The following GBE1 variants were observed in gnomAD, a reference collection of about 807,000 sequenced individuals.
GBE1 encodes 1,4-alpha-glucan branching enzyme 1.
Under a neutral mutation model 88.8 loss-of-function variants are expected in GBE1, and 70 were observed. The observed-to-expected ratio is 0.79, with a 90% CI of 0.65 to 0.96. The LOEUF (loss-of-function observed/expected upper bound fraction) is 0.96. Among genes scored for constraint, GBE1 ranks in the 40% least tolerant of loss-of-function variants. The pLI, the probability that GBE1 is intolerant of heterozygous loss-of-function variation, is 0.00. For synonymous variants in GBE1, 284 were observed against 300.1 expected (o/e 0.95, Z 0.56); for missense variants, 872 against 871.0 (o/e 1.00, Z -0.01).
intron 6 of GBE1, among the ~76,000 whole-genome samples, chr3:81,645,227 T>A (rs1425942838): frequency 6.6e-6 from 1 of 152,138 alleles, no homozygotes; most frequent in East Asian, 1.9e-4. Flanking sequence ...AGAATGGAAC[T>A]AAGTTCTGAT....
chr3:81,696,706 A>G (rs1705601657), intron 2 of GBE1, among the ~76,000 whole-genome samples: 1 of 152,238 alleles, frequency 6.6e-6, no homozygotes, highest in Admixed American at 6.5e-5. Flanking sequence ...AATTTTACAG[A>G]CATTAACTGC....
intron 14 of GBE1, among the ~76,000 whole-genome samples, chr3:81,500,778 A>G (rs1702575817): frequency 6.6e-6 from 1 of 152,210 alleles, no homozygotes; most frequent in African/African-American, 2.4e-5. Context: ...ATGTTGTTAT[A>G]CACGTTTGAC....
At chr3:81,582,253 A>T (rs1301448104) in intron 10 of GBE1, among the ~76,000 whole-genome samples, 3 of 152,080 alleles carry the variant, frequency 2.0e-5, no homozygotes, top group African/African-American at 7.2e-5. Context: ...GATGTTCACA[A>T]CCTAATCCAC....
At chr3:81,540,500 T>C (rs1169628448) in intron 12 of GBE1, among the ~76,000 whole-genome samples, 1 of 152,030 alleles carries the variant, frequency 6.6e-6, no homozygotes, top group East Asian at 1.9e-4. Flanking sequence ...TCCTCATCTG[T>C]AAAATCATCA....
chr3:81,667,976 C>A (rs1200415915), intron 3 of GBE1, among the ~76,000 whole-genome samples: 1 of 152,142 alleles, frequency 6.6e-6, no homozygotes, highest in African/African-American at 2.4e-5. Flanking sequence ...AACCCTAATG[C>A]CCATCAATGA....
intron 1 of GBE1, among the ~76,000 whole-genome samples, chr3:81,741,291 T>C (rs1182666327): frequency 1.3e-5 from 2 of 152,154 alleles, no homozygotes; most frequent in South Asian, 4.1e-4. Flanking sequence ...TTGAGAAATA[T>C]TTAGTTCAAC....
rs1706220638 is a variant in GBE1 at position 81,733,878 on chromosome 3, T to G, written c.143+27497A>C. Among the ~76,000 whole-genome samples, 1 of 152,212 alleles carries G rather than the reference T, an allele frequency of 6.6e-6. No homozygotes were observed. Among genetic ancestry groups the G allele is most frequent in the Non-Finnish European group, 1.5e-5 (1 of 68,028 alleles). On this transcript the variant is annotated intron_variant, in intron 1 of 15. Transcript: ENST00000429644. This position sits in a 1 kb window ranked among gnomAD's most constrained non-coding sequence, Gnocchi z 4.0. ...ATCTACAACAGTACCTGGCTCATAGTAAATACTCAATAAATTGCTGGCATG... is the reference window on the plus strand; with the variant it reads ...ATCTACAACAGTACCTGGCTCATAGGAAATACTCAATAAATTGCTGGCATG...
intron 1 of GBE1, among the ~76,000 whole-genome samples, chr3:81,745,841 A>T (rs548999659): frequency 6.6e-6 from 1 of 152,114 alleles, no homozygotes; most frequent in Non-Finnish European, 1.5e-5. Flanking sequence ...TTGCCAAATA[A>T]ACGTACAAAC....
intron 1 of GBE1, among the ~76,000 whole-genome samples, chr3:81,713,335 C>T (rs1705897597): frequency 6.6e-6 from 1 of 152,170 alleles, no homozygotes; most frequent in African/African-American, 2.4e-5. Flanking sequence ...AAATTGGATG[C>T]TTCTTGACGA....
intron 12 of GBE1, among the ~76,000 whole-genome samples, chr3:81,561,499 A>G (rs2106909984): frequency 6.6e-6 from 1 of 152,146 alleles, no homozygotes; most frequent in South Asian, 2.1e-4. Context: ...TTTTTTTAAA[A>G]AAATGAAGTG....
At chr3:81,596,983 T>C (rs769464819) in intron 7 of GBE1, among the ~76,000 whole-genome samples, 2 of 151,988 alleles carry the variant, frequency 1.3e-5, no homozygotes, top group African/African-American at 2.4e-5. Context: ...ATAAATTCCA[T>C]TTTTCCTTTT....
At chr3:81,570,802 A>C in intron 12 of GBE1, among the ~76,000 whole-genome samples, 1 of 152,168 alleles carries the variant, frequency 6.6e-6, no homozygotes, top group Admixed American at 6.5e-5. Context: ...TAATTCTCTT[A>C]ATTCAGTTAG....
At chr3:81,544,917 G>GTAA (rs1347307540) in intron 12 of GBE1, among the ~76,000 whole-genome samples, 1 of 152,052 alleles carries the variant, frequency 6.6e-6, no homozygotes, top group Admixed American at 6.6e-5. Flanking sequence ...TCTGTAAACT[G>GTAA]TAATGCATAC....
At chr3:81,611,503 G>A (rs772833042) in intron 7 of GBE1, among the ~76,000 whole-genome samples, 1 of 152,150 alleles carries the variant, frequency 6.6e-6, no homozygotes, top group Non-Finnish European at 1.5e-5. Context: ...GGCTTTGTGA[G>A]CTTCCATGGG....
chr3:81,737,344 T>C (rs1358446415), intron 1 of GBE1, among the ~76,000 whole-genome samples: 2 of 42,090 alleles, frequency 4.8e-5, no homozygotes, highest in Non-Finnish European at 1.2e-4. Flanking sequence ...TATATATATT[T>C]ATATAAATAT....
intron 2 of GBE1, among the ~76,000 whole-genome samples, chr3:81,697,554 C>G (rs1456715724): frequency 6.6e-6 from 1 of 152,112 alleles, no homozygotes; most frequent in Non-Finnish European, 1.5e-5. Context: ...CTGGCCTTGG[C>G]CTCGCAAAGT....
At chr3:81,596,947 T>TCTCATAATTTCCAAATTCAAAG (rs1703964735) in intron 7 of GBE1, among the ~76,000 whole-genome samples, 1 of 151,996 alleles carries the variant, frequency 6.6e-6, no homozygotes, top group Non-Finnish European at 1.5e-5. Context: ...TTATTTCTAC[T>TCTCATAATTTCCAAATTCAAAG]CTCATAATTT....
chr3:81,755,251 T>C (rs1271223412), intron 1 of GBE1, among the ~76,000 whole-genome samples: 1 of 151,960 alleles, frequency 6.6e-6, no homozygotes. Context: ...GAAATGCAAA[T>C]CAAAACCACA....
chr3:81,731,548 T>A (rs139567312), intron 1 of GBE1, among the ~76,000 whole-genome samples: 96 of 152,258 alleles, frequency 6.3e-4, no homozygotes, highest in Non-Finnish European at 1.1e-3. Flanking sequence ...TGGTTTGGAT[T>A]TGTGTACCCA....
Sources: gnomAD v4.1 joint callset for allele counts (sites outside exome capture counted in the v4.1 genomes callset) on GRCh38, gnomAD v4.1.1 for gene constraint, Gnocchi (gnomAD v3.1) non-coding constraint, MANE v1.5 for transcripts, NCBI Gene and HGNC (gene_info 2026-07-23, HGNC 2026-07-21) for gene names.